The following LINGO2 variants were observed in gnomAD, a reference collection of about 807,000 sequenced individuals.
The protein encoded by LINGO2 is leucine-rich repeat and immunoglobulin-like domain-containing nogo receptor-interacting protein 2.
In LINGO2, 14 loss-of-function variants were observed where a neutral mutation model predicts 30.6. That is an observed-to-expected ratio of 0.46 (90% confidence interval 0.30 to 0.72). The LOEUF is 0.72. LINGO2 is among the 30% of genes least tolerant of loss of function. The probability of loss-of-function intolerance (pLI) is 0.07; values close to 1 mark genes in which losing one functional copy is unlikely to be tolerated. For synonymous variants in LINGO2, 317 were observed against 288.5 expected, an observed-to-expected ratio of 1.10 and a Z score of -1.00; for missense variants, 729 against 751.7, an observed-to-expected ratio of 0.97 and a Z score of 0.35.
intron 4 of LINGO2, among the ~76,000 whole-genome samples, chr9:28,178,868 T>G (rs1203972449): frequency 6.6e-6 from 1 of 152,102 alleles, no homozygotes; most frequent in African/African-American, 2.4e-5. Context: ...GCAAAATAAC[T>G]TCTATTAGCT....
At chr9:28,973,502 C>T in the LINGO2 span, among the ~76,000 whole-genome samples, 1 of 152,112 alleles carries the variant, frequency 6.6e-6, no homozygotes, top group East Asian at 1.9e-4. Flanking sequence ...GTTCTCATAG[C>T]AGCAAATAAT....
chr9:28,898,829 A>C, the LINGO2 span, among the ~76,000 whole-genome samples: 1 of 152,148 alleles, frequency 6.6e-6, no homozygotes, highest in Non-Finnish European at 1.5e-5. Context: ...TGCTAGGCTT[A>C]GTGTCTGGTA....
chr9:28,062,730 A>C (rs976344600), intron 4 of LINGO2, among the ~76,000 whole-genome samples: 6 of 150,048 alleles, frequency 4.0e-5, no homozygotes, highest in Non-Finnish European at 8.9e-5. Context: ...TTTTTTGAAT[A>C]ACAGCTTTAT....
the LINGO2 span, among the ~76,000 whole-genome samples, chr9:29,115,234 C>T: frequency 6.6e-6 from 1 of 151,900 alleles, no homozygotes; most frequent in South Asian, 2.1e-4. Flanking sequence ...TTGCTCTCAA[C>T]TCACTTATTT....
chr9:28,204,114 A>C (rs1820330943), intron 4 of LINGO2, among the ~76,000 whole-genome samples: 1 of 152,202 alleles, frequency 6.6e-6, no homozygotes, highest in Admixed American at 6.5e-5. Flanking sequence ...ACCCAAAGCC[A>C]GATTGCAATG....
At chr9:28,991,890 G>A in the LINGO2 span, among the ~76,000 whole-genome samples, 20 of 151,728 alleles carry the variant, frequency 1.3e-4, no homozygotes, top group South Asian at 1.7e-3. Flanking sequence ...AGGAACAATC[G>A]GTACCAGCCA....
chr9:28,295,106 A>C (rs1378205154), intron 4 of LINGO2, 102 bp downstream of exon 6: 10 of 152,252 alleles, frequency 6.6e-5, no homozygotes, highest in Admixed American at 6.5e-4. Context: ...CTGTGGACTT[A>C]GAAAACAAAT....
chr9:28,506,413 TATATATATACAC>T (rs1282121729), intron 1 of LINGO2, among the ~76,000 whole-genome samples: 6 of 2,462 alleles, frequency 2.4e-3, no homozygotes, highest in African/African-American at 4.8e-3. Context: ...TATATATATA[TATATATATACAC>T]ACACACACAC....
intron 2 of LINGO2, among the ~76,000 whole-genome samples, chr9:28,407,505 G>C (rs1822561272): frequency 6.6e-6 from 1 of 152,140 alleles, no homozygotes; most frequent in African/African-American, 2.4e-5. Flanking sequence ...AAGTCCCTGT[G>C]CCAAGATTCT....
chr9:28,780,087 G>T, the LINGO2 span, among the ~76,000 whole-genome samples: 1 of 152,068 alleles, frequency 6.6e-6, no homozygotes, highest in African/African-American at 2.4e-5. Context: ...GACAGTAAAT[G>T]ACCTTAAAAT....
intron 1 of LINGO2, among the ~76,000 whole-genome samples, chr9:28,554,909 C>A (rs1191239344): frequency 3.2e-5 from 4 of 123,840 alleles, no homozygotes. Flanking sequence ...GGGTACATAA[C>A]GAAATGAAGG....
intron 4 of LINGO2, among the ~76,000 whole-genome samples, chr9:28,149,521 GA>G (rs1305830453): frequency 6.6e-6 from 1 of 151,488 alleles, no homozygotes; most frequent in African/African-American, 2.4e-5. Context: ...CACAGTCTGG[GA>G]AGTGAGGAGC....
At chr9:28,092,290 C>T (rs1197767756) in intron 4 of LINGO2, among the ~76,000 whole-genome samples, 3 of 152,030 alleles carry the variant, frequency 2.0e-5, no homozygotes, top group Non-Finnish European at 2.9e-5. Context: ...AGACTTGGAA[C>T]CAACCCAAAT....
the LINGO2 span, among the ~76,000 whole-genome samples, chr9:28,713,195 T>A: frequency 6.6e-6 from 1 of 152,286 alleles, no homozygotes; most frequent in African/African-American, 2.4e-5. Flanking sequence ...TCAATACTTA[T>A]TTTTTTAGGC....
At chr9:29,133,024 G>C in the LINGO2 span, among the ~76,000 whole-genome samples, 1 of 151,942 alleles carries the variant, frequency 6.6e-6, no homozygotes, top group South Asian at 2.1e-4. Flanking sequence ...CCTGATGTAA[G>C]TATTTATTAT....
At chr9:28,437,834 T>C (rs967696786) in intron 2 of LINGO2, among the ~76,000 whole-genome samples, 1 of 152,160 alleles carries the variant, frequency 6.6e-6, no homozygotes, top group African/African-American at 2.4e-5. Flanking sequence ...TTTTTCAATG[T>C]AGCACAAAAA....
chr9:28,124,864 C>T (rs374711765), intron 4 of LINGO2, among the ~76,000 whole-genome samples: 1 of 151,994 alleles, frequency 6.6e-6, no homozygotes, highest in Non-Finnish European at 1.5e-5. Context: ...AAATCTCTAG[C>T]GAACAAAAAT....
In LINGO2 at chr9:28,240,588, A is replaced by G. The variant is rs549758912; in HGVS notation, c.-87+54620T>C. Among the ~76,000 whole-genome samples, 8 of 152,322 alleles carry G rather than the reference A, an allele frequency of 5.3e-5. No individual in the cohort carries two copies. The South Asian group carries it at 1.7e-3, about 32-fold the overall frequency. On this transcript the variant is annotated intron_variant, in intron 4 of 5. Transcript: ENST00000379992. ...ATGGTGCTGGGAAAACTGGTTATCT[A>G]TATGCAGAAGAATGAAACTTGATCC...
At chr9:28,720,653 C>T in the LINGO2 span, among the ~76,000 whole-genome samples, 112 of 152,006 alleles carry the variant, frequency 7.4e-4, no homozygotes, top group African/African-American at 2.1e-3. Context: ...CTAATTGATG[C>T]TAAATATATT....
Sources: allele counts gnomAD v4.1 joint callset (sites outside exome capture counted in the v4.1 genomes callset), GRCh38; gene constraint gnomAD v4.1.1; transcripts MANE v1.5; gene names NCBI Gene and HGNC (gene_info 2026-07-23, HGNC 2026-07-21).